The following CSMD1 variants were observed in gnomAD, a reference collection of about 807,000 sequenced individuals.
CSMD1 encodes the protein CUB and sushi domain-containing protein 1.
Under a neutral mutation model 417.5 loss-of-function variants are expected in CSMD1, and 213 were observed. That is an observed-to-expected ratio of 0.51 (90% confidence interval 0.46 to 0.57). The LOEUF is 0.57. Ranked by LOEUF, CSMD1 falls within the 20% of genes least tolerant of loss-of-function variation. The pLI, the probability that CSMD1 is intolerant of heterozygous loss-of-function variation, is 0.00. For synonymous variants in CSMD1, 2,862 were observed against 1,736.8 expected (o/e 1.65, Z -16.11); for missense variants, 6,923 against 4,529.7 (o/e 1.53, Z -15.17).
chr8:4,820,846 T>C (rs1363476034), intron 1 of CSMD1, among the ~76,000 whole-genome samples: 1 of 152,192 alleles, frequency 6.6e-6, no homozygotes, highest in Non-Finnish European at 1.5e-5. Context: ...TAAATACTAA[T>C]GCAAGAATAA....
intron 1 of CSMD1, among the ~76,000 whole-genome samples, chr8:4,749,515 G>A (rs894118955): frequency 6.6e-6 from 1 of 152,140 alleles, no homozygotes; most frequent in Non-Finnish European, 1.5e-5. Context: ...GTTAGCACGT[G>A]TATTATTTTA....
intron 3 of CSMD1, among the ~76,000 whole-genome samples, chr8:4,176,892 T>C (rs970816104): frequency 9.4e-5 from 14 of 148,716 alleles, no homozygotes; most frequent in African/African-American, 2.5e-4. Context: ...ATCCTAAATA[T>C]ATATGCACCC....
In CSMD1 at chr8:3,347,995, T is replaced by C. The variant is rs1808125186; in HGVS notation, c.3471A>G (p.Leu1157=). Reference sequence around the variant, plus strand: ...TGTTGGAGAAGATTCTTTTTACCTTTAGAGTATCTCCTTCAAACAGCTGGA... The same window carrying C: ...TGTTGGAGAAGATTCTTTTTACCTTCAGAGTATCTCCTTCAAACAGCTGGA... ...RSFQLFEGDT[L]KVYDGKDSSS... Residue 1157 remains leucine (L), a synonymous_variant, in exon 22 of 70, where the codon CTA becomes CTG. Transcript: ENST00000635120. 1 of 1,582,336 alleles carries C rather than the reference T, an allele frequency of 6.3e-7. No individual in the cohort carries two copies. Among genetic ancestry groups the C allele is most frequent in the South Asian group, 1.2e-5 (1 of 85,026 alleles).
intron 5 of CSMD1, among the ~76,000 whole-genome samples, chr8:3,867,075 T>C (rs1232657551): frequency 6.6e-6 from 1 of 152,192 alleles, no homozygotes; most frequent in Admixed American, 6.5e-5. Flanking sequence ...TTCCAACCAG[T>C]TTTTTAAAAA....
In CSMD1 at chr8:3,920,715, T is replaced by A. The variant is rs528909276; in HGVS notation, c.818+77188A>T. Among the ~76,000 whole-genome samples, 10 of 148,444 alleles carry A rather than the reference T, an allele frequency of 6.7e-5. No homozygotes were observed. The South Asian group carries it at 2.2e-3, about 33-fold the overall frequency. ...GGTTAAATTTTGTCAAATGCTTTTT[T>A]GTGCATCTATTGAGATGATCCTATA... On this transcript the variant is annotated intron_variant, in intron 5 of 69. Transcript: ENST00000635120.
intron 3 of CSMD1, among the ~76,000 whole-genome samples, chr8:4,195,071 C>A (rs2656299): frequency 0.39 from 58,955 of 151,898 alleles, 11,545 homozygotes; most frequent in Middle Eastern, 0.46. Context: ...TCAGCTGTTA[C>A]GCCTAGAATT....
At chr8:3,916,440 T>A (rs1471531417) in intron 5 of CSMD1, among the ~76,000 whole-genome samples, 2 of 152,186 alleles carry the variant, frequency 1.3e-5, no homozygotes, top group Non-Finnish European at 2.9e-5. Context: ...AAAACACTTA[T>A]ATGAACCATG....
intron 17 of CSMD1, among the ~76,000 whole-genome samples, chr8:3,394,047 T>TATAC (rs1427725903): frequency 8.2e-6 from 1 of 121,644 alleles, no homozygotes; most frequent in Non-Finnish European, 1.7e-5. Context: ...TATATATATA[T>TATAC]ATATATATAG....
rs185474669 is a variant in CSMD1 at position 3,424,807 on chromosome 8, A to C, written c.1562-15202T>G. Among the ~76,000 whole-genome samples, 196 of 152,340 alleles carry C rather than the reference A, an allele frequency of 1.3e-3. 1 individual carries two copies. The highest frequency in any genetic ancestry group is 4.5e-3 in the African/African-American group (186 of 41,570). On this transcript the variant is annotated intron_variant, in intron 12 of 69. Transcript: ENST00000635120. ...ACTTAACAATTGCCCAAGAGTAATGAAATTGGCATATTGTTATCATCATTC... is the reference window on the plus strand; with the variant it reads ...ACTTAACAATTGCCCAAGAGTAATGCAATTGGCATATTGTTATCATCATTC...
chr8:4,943,058 T>A (rs114576272), intron 1 of CSMD1, among the ~76,000 whole-genome samples: 2,262 of 152,256 alleles, frequency 0.015, 63 homozygotes, highest in African/African-American at 0.052. Context: ...TAGTGAGACA[T>A]GAAAGTAATT....
At chr8:4,201,894 G>GGT (rs1563265105) in intron 3 of CSMD1, among the ~76,000 whole-genome samples, 1 of 147,916 alleles carries the variant, frequency 6.8e-6, no homozygotes, top group African/African-American at 2.5e-5. Context: ...TTTTGGGGGG[G>GGT]GGGGGCGCTG....
chr8:4,833,597 T>A (rs1401766371), intron 1 of CSMD1, among the ~76,000 whole-genome samples: 1 of 152,206 alleles, frequency 6.6e-6, no homozygotes, highest in African/African-American at 2.4e-5. Flanking sequence ...AGCACACGAT[T>A]TTTGAAAGCA....
intron 2 of CSMD1, among the ~76,000 whole-genome samples, chr8:4,558,931 G>GAT (rs11398213): frequency 3.9e-5 from 6 of 152,090 alleles, no homozygotes; most frequent in Non-Finnish European, 5.9e-5. Context: ...AACTGATCAT[G>GAT]TTTTTTTTTC....
In CSMD1 at chr8:4,977,558, G is replaced by A. The variant is rs533388144; in HGVS notation, c.85+16774C>T. On this transcript the variant is annotated intron_variant, in intron 1 of 69. Transcript: ENST00000635120. ...TTGAGAGGGAACACAGCGCACAGTG[G>A]CTGGCTCCAGCCCGCCTTTGGGTGG... Among the ~76,000 whole-genome samples the A allele has an allele frequency of 2.6e-5, 4 of 152,286 alleles. No homozygotes were observed. The East Asian group carries it at 5.8e-4, about 22-fold the overall frequency.
intron 41 of CSMD1, among the ~76,000 whole-genome samples, chr8:3,139,098 C>A (rs1396130420): frequency 6.6e-6 from 1 of 152,152 alleles, no homozygotes; most frequent in Non-Finnish European, 1.5e-5. Flanking sequence ...GGAAGCAAAA[C>A]TGCGAGCTCA....
intron 5 of CSMD1, among the ~76,000 whole-genome samples, chr8:3,955,142 G>C (rs1811854922): frequency 6.6e-6 from 1 of 152,108 alleles, no homozygotes; most frequent in African/African-American, 2.4e-5. Context: ...ACCGGTAACG[G>C]GAAGACAGAA....
chr8:4,282,099 C>T (rs987933978), intron 3 of CSMD1, among the ~76,000 whole-genome samples: 1 of 152,110 alleles, frequency 6.6e-6, no homozygotes, highest in East Asian at 1.9e-4. Flanking sequence ...TTTTATTAAT[C>T]CAAGAGTATT....
intron 2 of CSMD1, among the ~76,000 whole-genome samples, chr8:4,626,245 T>C (rs1437965111): frequency 6.6e-6 from 1 of 152,120 alleles, no homozygotes; most frequent in African/African-American, 2.4e-5. Context: ...CAATCCCTTG[T>C]GTTATTTCTG....
chr8:2,987,165 G>C (rs989429209), intron 54 of CSMD1, among the ~76,000 whole-genome samples: 6 of 151,874 alleles, frequency 4.0e-5, no homozygotes, highest in African/African-American at 1.5e-4. Context: ...TATATTAAGG[G>C]CATTTAGCAT....
Sources: gnomAD v4.1 joint callset for allele counts (sites outside exome capture counted in the v4.1 genomes callset) on GRCh38, gnomAD v4.1.1 for gene constraint, MANE v1.5 for transcripts, NCBI Gene and HGNC (gene_info 2026-07-23, HGNC 2026-07-21) for gene names.